The following LRRK2 variants were observed in gnomAD, a reference collection of about 807,000 sequenced individuals.
LRRK2 encodes the protein leucine-rich repeat serine/threonine-protein kinase 2.
In LRRK2, 203 loss-of-function variants were observed where a neutral mutation model predicts 302.6. The ratio of observed to expected loss-of-function variants is 0.67; its 90% CI spans 0.60 to 0.75. LRRK2 has a LOEUF of 0.75. Among genes scored for constraint, LRRK2 ranks in the 30% least tolerant of loss-of-function variants. The pLI is 0.00. For missense variants in LRRK2, 2,830 were observed against 2,951.0 expected (o/e 0.96, Z 0.95); for synonymous variants, 1,066 against 1,031.9 (o/e 1.03, Z -0.63).
At chr12:40,287,571 T>G (rs769705159) in intron 20 of LRRK2, 32 bp downstream of exon 20, 2 of 1,599,688 alleles carry the variant, frequency 1.3e-6, no homozygotes, top group Non-Finnish European at 1.7e-6. Context: ...CCTTTATGCT[T>G]TATATTTACA....
At chr12:40,360,022 G>A (rs1213403404) in intron 47 of LRRK2, among the ~76,000 whole-genome samples, 1 of 152,098 alleles carries the variant, frequency 6.6e-6, no homozygotes, top group Admixed American at 6.6e-5. Flanking sequence ...AATCTTTGCA[G>A]TTGGTTCTTA....
intron 18 of LRRK2, among the ~76,000 whole-genome samples, chr12:40,278,868 C>T (rs1210220798): frequency 1.3e-5 from 2 of 152,130 alleles, no homozygotes; most frequent in East Asian, 1.9e-4. Context: ...CCCATACCTC[C>T]AAACCTCCAA....
In LRRK2 at chr12:40,305,814, T is replaced by C; in HGVS notation, c.3807T>C (p.Asn1269=). 4.3e-6 allele frequency: 7 copies of C among 1,613,688 alleles called. No individual in the cohort carries two copies. The highest frequency in any genetic ancestry group is 1.3e-5 in the African/African-American group (1 of 74,982). ...EIPPEIGCLE[N]LTSLDVSYNL... Reference sequence around the variant, plus strand: ...CTCCTGAGATTGGCTGTCTTGAAAATCTGACATCTCTGGATGTCAGTTACA... The same window carrying C: ...CTCCTGAGATTGGCTGTCTTGAAAACCTGACATCTCTGGATGTCAGTTACA... Residue 1269 remains asparagine, a synonymous_variant, in exon 28 of 51, where the codon AAT becomes AAC. Transcript: ENST00000298910.
Position 40,322,083 on chromosome 12 carries a change from T to G in LRRK2, c.5219T>G (p.Leu1740Ter). Residue 1740 changes from leucine to a stop codon, truncating the protein, a stop_gained, in exon 36 of 51, where the codon TTA becomes TGA. Coordinates refer to ENST00000298910, the MANE Select transcript of LRRK2 (RefSeq NM_198578.4). LOFTEE classifies it high-confidence loss of function. ...NRMYWRQGIY[L>*]NWSPEAYCLV... ...ATGTATTGGCGACAAGGCATTTACTTAAATTGGTCTCCTGAAGCTTATTGT... is the reference window on the plus strand; with the variant it reads ...ATGTATTGGCGACAAGGCATTTACTGAAATTGGTCTCCTGAAGCTTATTGT... The G allele has an allele frequency of 6.2e-7, 1 of 1,613,566 alleles. No homozygotes were observed. Among genetic ancestry groups the G allele is most frequent in the Non-Finnish European group, 8.5e-7 (1 of 1,179,562 alleles).
At chr12:40,255,227 TAAG>T (rs1942448239) in intron 11 of LRRK2, among the ~76,000 whole-genome samples, 1 of 152,026 alleles carries the variant, frequency 6.6e-6, no homozygotes, top group Non-Finnish European at 1.5e-5. Flanking sequence ...TTGAGGCAGT[TAAG>T]AATAAAAAAT....
At chr12:40,323,731 C>T (rs1945466995) in intron 38 of LRRK2, among the ~76,000 whole-genome samples, 1 of 151,488 alleles carries the variant, frequency 6.6e-6, no homozygotes, top group Admixed American at 6.6e-5. Flanking sequence ...GCTGAATTCT[C>T]ATAGAAATAT....
intron 37 of LRRK2, 85 bp from the exon 38 acceptor site, chr12:40,323,075 C>T: frequency 9.2e-7 from 1 of 1,090,826 alleles, no homozygotes; most frequent in Non-Finnish European, 1.4e-6. Flanking sequence ...AGAAAATATT[C>T]CATTATTTTT....
At chr12:40,340,808 T>C (rs879884175) in intron 41 of LRRK2, among the ~76,000 whole-genome samples, 5 of 152,210 alleles carry the variant, frequency 3.3e-5, no homozygotes, top group Admixed American at 6.5e-5. Flanking sequence ...GCAAATCAAA[T>C]TCAGGTCCAC....
At position 40,314,094 on chromosome 12, in the gene LRRK2, A is replaced by T. The variant is rs2136848516; in HGVS notation, c.4659A>T (p.Leu1553Phe). 6.2e-7 allele frequency: 1 copy of T among 1,612,850 alleles called. No homozygotes were observed. Among genetic ancestry groups the T allele is most frequent in the Middle Eastern group, 1.7e-4 (1 of 6,050 alleles). Residue 1553 changes from leucine to phenylalanine, a missense_variant, in exon 32 of 51, where the codon TTA (leucine) becomes TTT (phenylalanine). Around this residue, in one of 3 missense-constraint regions of LRRK2, gnomAD observed 2,121 missense variants for 2,148.0 expected, o/e 0.99. Coordinates refer to ENST00000298910, the MANE Select transcript of LRRK2 (RefSeq NM_198578.4). ...TTCCCGTAATTGACCGGAAACGATTATTACAACTAGTGAGAGAAAATCAGC... is the reference window on the plus strand; with the variant it reads ...TTCCCGTAATTGACCGGAAACGATTTTTACAACTAGTGAGAGAAAATCAGC... ...IEFPVIDRKR[L>F]LQLVRENQLQ...
chr12:40,294,726 T>C (rs1469051160), intron 21 of LRRK2, 119 bp from the exon 22 acceptor site: 1 of 579,378 alleles, frequency 1.7e-6, no homozygotes, highest in Admixed American at 3.0e-5. Context: ...TACTTGCCTA[T>C]TTTTTCCCAT....
At chr12:40,325,219 G>A (rs746699481) in intron 38 of LRRK2, among the ~76,000 whole-genome samples, 8 of 152,132 alleles carry the variant, frequency 5.3e-5, no homozygotes, top group African/African-American at 1.2e-4. Context: ...CCTGGGAGGC[G>A]GAGGTTGCAG....
chr12:40,320,464 T>C lies in LRRK2; in HGVS notation c.5015+289T>C, dbSNP rs10748031. 0.57 allele frequency among the ~76,000 whole-genome samples: 85,718 copies of C among 151,508 alleles called. 24,346 individuals carry two copies. Among genetic ancestry groups the C allele is most frequent in the South Asian group, 0.7 (3,356 of 4,826 alleles). ...GTGGAGATTAATGTGTGTGTGTGTCTGTGTTTGTGTATGTGTGTGTTCTTA... is the reference window on the plus strand; with the variant it reads ...GTGGAGATTAATGTGTGTGTGTGTCCGTGTTTGTGTATGTGTGTGTTCTTA... On this transcript the variant is annotated intron_variant, in intron 34 of 50. Coordinates refer to ENST00000298910, the MANE Select transcript of LRRK2 (RefSeq NM_198578.4).
intron 14 of LRRK2, among the ~76,000 whole-genome samples, chr12:40,268,197 T>C (rs1943100462): frequency 6.6e-6 from 1 of 152,136 alleles, no homozygotes; most frequent in Non-Finnish European, 1.5e-5. Flanking sequence ...AAATGGAAAA[T>C]AAACTCTGCA....
intron 1 of LRRK2, 120 bp from the exon 2 acceptor site, chr12:40,225,435 A>C: frequency 7.9e-7 from 1 of 1,264,270 alleles, no homozygotes; most frequent in Non-Finnish European, 1.1e-6. Context: ...GGCAGAAAGC[A>C]GCTGAGAATT....
chr12:40,285,514 T>C (rs1943886048), intron 19 of LRRK2, among the ~76,000 whole-genome samples: 1 of 152,040 alleles, frequency 6.6e-6, no homozygotes, highest in Admixed American at 6.6e-5. Context: ...TTGAGGACAA[T>C]TTGGCAATAT....
At chr12:40,350,097 A>G (rs577367336) in intron 43 of LRRK2, among the ~76,000 whole-genome samples, 6 of 152,276 alleles carry the variant, frequency 3.9e-5, no homozygotes, top group South Asian at 4.1e-4. Flanking sequence ...AACTTTCCTT[A>G]TATACCAATG....
At chr12:40,351,798 G>A (rs1946361866) in intron 44 of LRRK2, 65 bp downstream of exon 44, 1 of 1,482,228 alleles carries the variant, frequency 6.7e-7, no homozygotes, top group Non-Finnish European at 9.3e-7. Flanking sequence ...AAGTTACTTA[G>A]GAATAAATTA....
At chr12:40,252,570 C>T (rs1279378135) in intron 10 of LRRK2, among the ~76,000 whole-genome samples, 1 of 151,970 alleles carries the variant, frequency 6.6e-6, no homozygotes, top group African/African-American at 2.4e-5. Flanking sequence ...TCTTTAAAAC[C>T]TACCTTGCTT....
intron 6 of LRRK2, among the ~76,000 whole-genome samples, chr12:40,241,741 G>A (rs775568608): frequency 2.6e-4 from 40 of 152,178 alleles, no homozygotes; most frequent in Non-Finnish European, 4.7e-4. Flanking sequence ...TTCAGATATG[G>A]AAATCACTGT....
Sources: allele counts gnomAD v4.1 joint callset (sites outside exome capture counted in the v4.1 genomes callset), GRCh38; gene constraint gnomAD v4.1.1; regional missense constraint gnomAD v4.1.1; transcripts MANE v1.5; gene names NCBI Gene and HGNC (gene_info 2026-07-23, HGNC 2026-07-21).